Variants in DOCK10 observed in about 807,000 individuals in gnomAD.
DOCK10 encodes the protein dedicator of cytokinesis protein 10.
In DOCK10, 145 loss-of-function variants were observed where a neutral mutation model predicts 280.1. The observed-to-expected ratio is 0.52, with a 90% CI of 0.45 to 0.59. The LOEUF (loss-of-function observed/expected upper bound fraction) is 0.59. Among genes scored for constraint, DOCK10 ranks in the 20% least tolerant of loss-of-function variants. The pLI is 0.00. For synonymous variants in DOCK10, 915 were observed against 942.2 expected, an observed-to-expected ratio of 0.97 and a Z score of 0.53; for missense variants, 2,368 against 2,651.7, an observed-to-expected ratio of 0.89 and a Z score of 2.35.
chr2:224,946,741 C>G (rs1703441762), intron 1 of DOCK10: 7 of 778,502 alleles, frequency 9.0e-6, no homozygotes, highest in Admixed American at 7.7e-5. Flanking sequence ...CCATATAAGA[C>G]TTCACCCAGC....
At chr2:224,889,333 T>C (rs1575002874) in intron 4 of DOCK10, among the ~76,000 whole-genome samples, 1 of 152,314 alleles carries the variant, frequency 6.6e-6, no homozygotes, top group African/African-American at 2.4e-5. Context: ...CAGGGAAAGT[T>C]AGAGCACAAA....
At chr2:224,907,519 C>G (rs930529056) in intron 3 of DOCK10, among the ~76,000 whole-genome samples, 1 of 152,060 alleles carries the variant, frequency 6.6e-6, no homozygotes, top group African/African-American at 2.4e-5. Flanking sequence ...AACCCTGTCT[C>G]TACTAAAAAT....
At position 224,793,030 on chromosome 2, in the gene DOCK10, G is replaced by A. The variant is rs755060549; in HGVS notation, c.5255C>T (p.Ser1752Leu). ...VEKICTASLL[S>L]EDTHPCDSNS... ...GCTATCACAGGGGTGGGTATCCTCC[G>A]AGAGCAGGGATGCTGTGCAAATCTT... The change falls in exon 47 of 56, where the codon TCG becomes TTG. Residue 1752 changes from serine (S) to leucine (L), a missense_variant. Around this residue, in one of 2 missense-constraint regions of DOCK10, gnomAD observed 1,159 missense variants for 1,400.8 expected, o/e 0.83. Coordinates refer to ENST00000258390, the MANE Select transcript of DOCK10 (RefSeq NM_014689.3). 6.8e-6 allele frequency: 11 copies of A among 1,613,488 alleles called. No homozygotes were observed. Among genetic ancestry groups the A allele is most frequent in the East Asian group, 2.2e-5 (1 of 44,866 alleles).
intron 1 of DOCK10, among the ~76,000 whole-genome samples, chr2:224,975,888 T>C (rs1705407548): frequency 6.6e-6 from 1 of 152,190 alleles, no homozygotes; most frequent in Non-Finnish European, 1.5e-5. Context: ...AAGTAGAAGC[T>C]TGATAACACC....
Position 224,823,604 on chromosome 2 carries a change from A to G in DOCK10, c.3080T>C (p.Leu1027Ser). The change falls in exon 28 of 56, where the codon TTG becomes TCG. Residue 1027 changes from leucine (L) to serine (S), a missense_variant. Physicochemically the swap from Leu to Ser is moderately radical, Grantham distance 145 (BLOSUM62 -2). Transcript: ENST00000258390. ...QRFPESYQNE[L>S]DNLVMVLSDH... is the part of the protein sequence containing the mutation. ...GGATAGGACCATGACAAGATTGTCC[A>G]ATTCATTTTGGTAAGATTCAGGAAA... The G allele has an allele frequency of 1.2e-6, 2 of 1,605,134 alleles. No homozygotes were observed. Among genetic ancestry groups the G allele is most frequent in the Non-Finnish European group, 1.7e-6 (2 of 1,177,202 alleles).
chr2:224,899,342 C>CCATG (rs141304223), intron 3 of DOCK10, among the ~76,000 whole-genome samples: 9,007 of 152,246 alleles, frequency 0.059, 306 homozygotes, highest in South Asian at 0.085. Flanking sequence ...GATCATTCAT[C>CCATG]CATGAATTCA....
intron 4 of DOCK10, among the ~76,000 whole-genome samples, chr2:224,894,388 A>C (rs1478088883): frequency 6.6e-6 from 1 of 152,220 alleles, no homozygotes; most frequent in Non-Finnish European, 1.5e-5. Flanking sequence ...AATGGACCTA[A>C]AGATGGTGGG....
chr2:224,775,674 C>T (rs932804262), intron 51 of DOCK10, among the ~76,000 whole-genome samples: 2 of 152,148 alleles, frequency 1.3e-5, no homozygotes, highest in African/African-American at 4.8e-5. Flanking sequence ...GAGGGTTATG[C>T]TCTGTTGGCC....
At chr2:224,979,963 T>TAA (rs35303687) in intron 1 of DOCK10, among the ~76,000 whole-genome samples, 113,114 of 148,998 alleles carry the variant, frequency 0.76, 43,089 homozygotes, top group African/African-American at 0.87. Context: ...TGTGATCTTA[T>TAA]AAAAAAAAAA....
intron 1 of DOCK10, among the ~76,000 whole-genome samples, chr2:224,987,874 G>T (rs1300907777): frequency 1.3e-5 from 2 of 152,168 alleles, no homozygotes; most frequent in African/African-American, 2.4e-5. Flanking sequence ...TGGTGGAAGA[G>T]GTGGCCAGCA....
intron 7 of DOCK10, among the ~76,000 whole-genome samples, chr2:224,877,103 G>A (rs978662895): frequency 6.6e-5 from 10 of 152,096 alleles, no homozygotes; most frequent in Non-Finnish European, 1.3e-4. Flanking sequence ...CCACACATGC[G>A]CTCAAAAGCA....
intron 19 of DOCK10, among the ~76,000 whole-genome samples, chr2:224,846,928 C>T (rs894555531): frequency 6.6e-6 from 1 of 152,148 alleles, no homozygotes; most frequent in Non-Finnish European, 1.5e-5. Flanking sequence ...TTCACAGGAT[C>T]CCCAGACAAT....
chr2:224,914,846 G>A (rs1296665779), intron 3 of DOCK10, among the ~76,000 whole-genome samples: 1 of 152,048 alleles, frequency 6.6e-6, no homozygotes, highest in Non-Finnish European at 1.5e-5. Flanking sequence ...ACTTGTTTAC[G>A]CCTACACACC....
chr2:225,002,589 A>G (rs1706468035), intron 1 of DOCK10, among the ~76,000 whole-genome samples: 1 of 152,230 alleles, frequency 6.6e-6, no homozygotes. Context: ...TGGAGACAGA[A>G]AATGTCTCAG....
In DOCK10 at chr2:224,841,867, C is replaced by G. The variant is rs376059455; in HGVS notation, c.2598G>C (p.Glu866Asp). 40 of 1,613,072 alleles carry G rather than the reference C, an allele frequency of 2.5e-5. 1 individual carries two copies. The East Asian group carries it at 3.8e-4, about 15-fold the overall frequency. Residue 866 changes from glutamate to aspartate, a missense_variant, in exon 23 of 56, where the codon GAG becomes GAC. Transcript: ENST00000258390. ...QDPHVNAFFQECQKREKDMSQ... is the reference protein window; with the variant it reads ...QDPHVNAFFQDCQKREKDMSQ... ...ACATATCTTTCTCTCTTTTTTGGCA[C>G]TCTTGGAAAAATGCATTCACATGTG...
At chr2:224,940,369 T>C (rs935740159) in intron 1 of DOCK10, among the ~76,000 whole-genome samples, 13 of 152,154 alleles carry the variant, frequency 8.5e-5, no homozygotes, top group African/African-American at 3.1e-4. Flanking sequence ...AGGAATCTAA[T>C]GAGATATAAT....
chr2:225,037,232 TGA>T (rs1316738842), intron 1 of DOCK10, among the ~76,000 whole-genome samples: 3 of 152,070 alleles, frequency 2.0e-5, no homozygotes. Flanking sequence ...GATGGCTGAG[TGA>T]GTTCATATTT....
At position 224,765,598 on chromosome 2, in the gene DOCK10, G is replaced by C; in HGVS notation, c.*123C>G. ...AGGTTGGCAAAATTCTGAAGCTAGC[G>C]AGGTAAACAAAAATATTAACACCAT... On this transcript the variant is annotated 3_prime_UTR_variant, in exon 56 of 56. Transcript: ENST00000258390. 20 of 644,840 alleles carry C rather than the reference G, an allele frequency of 3.1e-5. No homozygotes were observed. The South Asian group carries it at 4.8e-4, about 16-fold the overall frequency. 39.9% of individuals were successfully genotyped at this position (644,840 alleles called of 1,614,324 possible).
intron 23 of DOCK10, among the ~76,000 whole-genome samples, chr2:224,840,766 T>C (rs1240514424): frequency 1.3e-5 from 2 of 152,228 alleles, no homozygotes; most frequent in East Asian, 3.8e-4. Flanking sequence ...ACTGGATGTA[T>C]ATCCAAAGGA....
Sources: gnomAD v4.1 joint callset for allele counts (sites outside exome capture counted in the v4.1 genomes callset) on GRCh38, gnomAD v4.1.1 for gene constraint, gnomAD v4.1.1 regional missense constraint, MANE v1.5 for transcripts, NCBI Gene and HGNC (gene_info 2026-07-23, HGNC 2026-07-21) for gene names.